The following RIMBP2 variants were observed in gnomAD, a reference collection of about 807,000 sequenced individuals.
The protein encoded by RIMBP2 is RIMS-binding protein 2.
Under a neutral mutation model 118.6 loss-of-function variants are expected in RIMBP2, and 48 were observed. The observed-to-expected ratio is 0.40, with a 90% CI of 0.32 to 0.51. The LOEUF is 0.51. Ranked by LOEUF, RIMBP2 falls within the 20% of genes least tolerant of loss-of-function variation. RIMBP2 has a pLI of 0.41. For missense variants in RIMBP2, 1,551 were observed against 1,768.3 expected (o/e 0.88, Z 2.20); for synonymous variants, 762 against 742.9 (o/e 1.03, Z -0.42).
chr12:130,453,084 C>CA (rs1298953095), intron 7 of RIMBP2, among the ~76,000 whole-genome samples: 2 of 152,096 alleles, frequency 1.3e-5, no homozygotes, highest in Non-Finnish European at 2.9e-5. Flanking sequence ...AAATATAGGT[C>CA]AAAAAAATGT....
intron 2 of RIMBP2, among the ~76,000 whole-genome samples, chr12:130,577,927 G>A (rs188739491): frequency 6.6e-6 from 1 of 152,140 alleles, no homozygotes; most frequent in South Asian, 2.1e-4. Flanking sequence ...ACTATATGCC[G>A]ATTAGCTTGA....
At chr12:130,509,589 C>A (rs1012422657) in intron 3 of RIMBP2, among the ~76,000 whole-genome samples, 2 of 152,166 alleles carry the variant, frequency 1.3e-5, no homozygotes, top group African/African-American at 2.4e-5. Context: ...ACTGGGGTAA[C>A]CCCCAACAGT....
At chr12:130,529,082 GTGGTC>G (rs1347636737) in intron 2 of RIMBP2, among the ~76,000 whole-genome samples, 8 of 152,190 alleles carry the variant, frequency 5.3e-5, no homozygotes, top group African/African-American at 1.9e-4. Flanking sequence ...TAAGCCAAAT[GTGGTC>G]TGTCCATAAA....
At chr12:130,561,938 A>G (rs959841810) in intron 2 of RIMBP2, among the ~76,000 whole-genome samples, 1 of 152,188 alleles carries the variant, frequency 6.6e-6, no homozygotes, top group South Asian at 2.1e-4. Flanking sequence ...TGATGGTTAT[A>G]GTAATATATG....
chr12:130,411,790 T>C (rs2075737811), intron 19 of RIMBP2, among the ~76,000 whole-genome samples: 1 of 152,206 alleles, frequency 6.6e-6, no homozygotes, highest in Non-Finnish European at 1.5e-5. Context: ...TAGATGTGGA[T>C]TCTGTCTTGA....
intron 2 of RIMBP2, among the ~76,000 whole-genome samples, chr12:130,533,985 G>A (rs958355574): frequency 1.3e-5 from 2 of 151,776 alleles, no homozygotes; most frequent in Non-Finnish European, 2.9e-5. Flanking sequence ...GGCCAACATG[G>A]TGAAACCCCA....
intron 1 of RIMBP2, among the ~76,000 whole-genome samples, chr12:130,680,143 A>G (rs1225854457): frequency 6.6e-6 from 1 of 152,282 alleles, no homozygotes. Context: ...GCTCTCATGC[A>G]TTATTGGTGG....
chr12:130,565,699 G>A (rs771636215), intron 2 of RIMBP2, among the ~76,000 whole-genome samples: 3 of 152,174 alleles, frequency 2.0e-5, no homozygotes, highest in Non-Finnish European at 2.9e-5. Flanking sequence ...TTGTAGCTCA[G>A]TAACATGTTT....
At chr12:130,626,473 C>A (rs934322200) in intron 2 of RIMBP2, among the ~76,000 whole-genome samples, 2 of 151,068 alleles carry the variant, frequency 1.3e-5, no homozygotes, top group Admixed American at 1.3e-4. Context: ...ATCACGACTA[C>A]CGCCAGCATC....
intron 6 of RIMBP2, among the ~76,000 whole-genome samples, chr12:130,457,486 G>GC (rs925404919): frequency 3.9e-5 from 6 of 152,202 alleles, no homozygotes; most frequent in African/African-American, 7.2e-5. Context: ...CATGGGCAAA[G>GC]CCCCGCTCCC....
At chr12:130,552,083 T>C (rs998787573) in intron 2 of RIMBP2, among the ~76,000 whole-genome samples, 8 of 152,252 alleles carry the variant, frequency 5.3e-5, no homozygotes, top group Non-Finnish European at 1.2e-4. Flanking sequence ...TGCTTTAACA[T>C]CTATAAGATG....
rs764240295 is a variant in RIMBP2, at chr12:130,407,793, G to A, written c.3626C>T (p.Ser1209Leu). The change falls in exon 20 of 23, where the codon TCG (serine) becomes TTG (leucine). Residue 1209 changes from serine to leucine, a missense_variant. Physicochemically the swap from Ser to Leu is moderately radical, Grantham distance 145. This residue lies in a region of RIMBP2 where 1,038 missense variants were observed against 1,125.1 expected (regional missense o/e 0.92). Transcript: ENST00000690449. ...SRRSGRRHSV[S>L]TRRMVALYDY... The stretch of plus-strand genomic sequence containing the variant: ...ATACAGGGCCACCATTCTCCGCGTC[G>A]ATACCGAATGACGCCTGCCACTTCT... The A allele has an allele frequency of 1.1e-5, 17 of 1,613,836 alleles. No homozygotes were observed. Among genetic ancestry groups the A allele is most frequent in the Admixed American group, 1.7e-5 (1 of 60,008 alleles).
Position 130,581,264 on chromosome 12 carries a change from G to T in RIMBP2, c.-217+47058C>A, listed in dbSNP as rs939737717. Among the ~76,000 whole-genome samples, 1 of 152,042 alleles carries T rather than the reference G, an allele frequency of 6.6e-6. No individual in the cohort carries two copies. The highest frequency in any genetic ancestry group is 1.5e-5 in the Non-Finnish European group (1 of 68,020). ...CACACAGGGGTGTGCCGGGAGTCAGGTTCAAACACAACAGGGTGGGGGGCG... is the reference window on the plus strand; with the variant it reads ...CACACAGGGGTGTGCCGGGAGTCAGTTTCAAACACAACAGGGTGGGGGGCG... On this transcript the variant is annotated intron_variant, in intron 2 of 22. Coordinates refer to ENST00000690449, the MANE Select transcript of RIMBP2 (RefSeq NM_001393629.1). The surrounding 1 kb of genome is among the most constrained non-coding windows in gnomAD (Gnocchi z 4.4).
chr12:130,598,807 C>T (rs151117486), intron 2 of RIMBP2, among the ~76,000 whole-genome samples: 131 of 151,916 alleles, frequency 8.6e-4, no homozygotes, highest in African/African-American at 2.7e-3. Context: ...GGTAATGCAT[C>T]GGATAGACAA....
At position 130,622,103 on chromosome 12, in the gene RIMBP2, G is replaced by T. The variant is rs936317693; in HGVS notation, c.-217+6219C>A. 6.6e-6 allele frequency among the ~76,000 whole-genome samples: 1 copy of T among 152,160 alleles called. No individual in the cohort carries two copies. Among genetic ancestry groups the T allele is most frequent in the Admixed American group, 6.5e-5 (1 of 15,282 alleles). ...AGAGCCATTTTAACTAGACATTTCC[G>T]CACAAATAAAATTAGGCCGAGACAG... On this transcript the variant is annotated intron_variant, in intron 2 of 22. Transcript: ENST00000690449. This position sits in a 1 kb window ranked among gnomAD's most constrained non-coding sequence, Gnocchi z 8.5.
intron 1 of RIMBP2, among the ~76,000 whole-genome samples, chr12:130,637,446 A>G (rs563933392): frequency 1.3e-5 from 2 of 152,384 alleles, no homozygotes; most frequent in African/African-American, 4.8e-5. Context: ...GAGGATCCAC[A>G]ATGCTTTAGT....
At chr12:130,585,307 G>A (rs142554274) in intron 2 of RIMBP2, among the ~76,000 whole-genome samples, 22 of 152,292 alleles carry the variant, frequency 1.4e-4, no homozygotes, top group African/African-American at 5.1e-4. Context: ...GCGGGGCGAT[G>A]GGGAGATGCC....
chr12:130,428,129 G>A (rs1360386687), intron 15 of RIMBP2, 50 bp downstream of exon 15: 1 of 1,504,440 alleles, frequency 6.6e-7, no homozygotes, highest in Non-Finnish European at 8.9e-7. Context: ...GGACGTGGAT[G>A]GAGCTACTCT....
chr12:130,529,443 G>T (rs187838284), intron 2 of RIMBP2, among the ~76,000 whole-genome samples: 1 of 152,126 alleles, frequency 6.6e-6, no homozygotes, highest in Non-Finnish European at 1.5e-5. Context: ...AAGCAGATTC[G>T]TGGCTGTCAG....
Sources: gnomAD v4.1 joint callset for allele counts (sites outside exome capture counted in the v4.1 genomes callset) on GRCh38, gnomAD v4.1.1 for gene constraint, gnomAD v4.1.1 regional missense constraint, Gnocchi (gnomAD v3.1) non-coding constraint, MANE v1.5 for transcripts, NCBI Gene and HGNC (gene_info 2026-07-23, HGNC 2026-07-21) for gene names.